ADAT3: variants seen among roughly 807,000 people sequenced by gnomAD.
ADAT3 encodes adenosine deaminase tRNA specific 3.
ADAT3 carries 2 observed loss-of-function variants against 3.5 expected under a neutral mutation model. The ratio of observed to expected loss-of-function variants is 0.57; its 90% CI spans 0.23 to 1.79. The LOEUF (loss-of-function observed/expected upper bound fraction) is 1.79, where lower values mean the gene tolerates loss of function less well. ADAT3 is among the 40% of genes most tolerant of loss of function. The probability of loss-of-function intolerance (pLI) is 0.18; values close to 1 mark genes in which losing one functional copy is unlikely to be tolerated. For missense variants in ADAT3, 735 were observed against 571.4 expected (o/e 1.29, Z -2.92); for synonymous variants, 358 against 270.3 (o/e 1.32, Z -3.18).
Position 1,912,733 on chromosome 19 carries a change from A to G in ADAT3, c.686A>G (p.Asp229Gly). The change falls in exon 2 of 2, where the codon GAC (aspartate) becomes GGC (glycine). Residue 229 changes from aspartate (D) to glycine (G), a missense_variant. Transcript: ENST00000329478. ...ASDRVLATGH[D>G]CSCADNPLLH... ...GACCGCGTGCTGGCCACCGGCCACG[A>G]CTGCAGCTGCGCGGACAACCCCCTC... 1 of 1,534,902 alleles carries G rather than the reference A, an allele frequency of 6.5e-7. No homozygotes were observed. The highest frequency in any genetic ancestry group is 1.9e-5 in the Admixed American group (1 of 51,608).
rs1270514475 is a variant in ADAT3 at position 1,912,554 on chromosome 19, C to T, written c.507C>T (p.Asp169=). The change falls in exon 2 of 2, where the codon GAC becomes GAT. Residue 169 remains aspartate (D), a synonymous_variant. Coordinates refer to ENST00000329478, the MANE Select transcript of ADAT3 (RefSeq NM_138422.4). ...RAHWPTSFHE[D]KQVTSALAGR... ...ACTGGCCCACGTCCTTCCACGAGGA[C>T]AAGCAGGTGACCAGCGCCCTGGCTG... 1.3e-6 allele frequency: 2 copies of T among 1,500,468 alleles called. No homozygotes were observed. Among genetic ancestry groups the T allele is most frequent in the Admixed American group, 2.1e-5 (1 of 46,714 alleles). 92.9% of individuals were successfully genotyped at this position (1,500,468 alleles called of 1,614,324 possible). A position where few individuals can be genotyped will look rare whatever the true frequency, so the allele number is the denominator to read the frequency against.
chr19:1,907,317 C>G (rs965278515), intron 1 of ADAT3: 6 of 151,810 alleles, frequency 4.0e-5, no homozygotes, highest in African/African-American at 1.2e-4. Flanking sequence ...CCGAGGAGCC[C>G]TCCTGGATTC....
At chr19:1,910,899 G>T (rs571555516) in intron 1 of ADAT3, among the ~76,000 whole-genome samples, 1 of 150,454 alleles carries the variant, frequency 6.6e-6, no homozygotes, top group Non-Finnish European at 1.5e-5. Flanking sequence ...TGACAGTCTC[G>T]CGCTGTTACC....
chr19:1,906,868 G>GTT (rs1478109091), intron 1 of ADAT3: 2 of 135,118 alleles, frequency 1.5e-5, no homozygotes, highest in Non-Finnish European at 3.2e-5. Context: ...AAAAAAAATT[G>GTT]TGTGTGTGTG....
chr19:1,912,745 C>T lies in ADAT3; in HGVS notation c.698C>T (p.Ala233Val). 1.9e-6 allele frequency: 3 copies of T among 1,544,700 alleles called. No homozygotes were observed. Among genetic ancestry groups the T allele is most frequent in the Non-Finnish European group, 1.7e-6 (2 of 1,153,156 alleles). The stretch of plus-strand genomic sequence containing the variant: ...GCCACCGGCCACGACTGCAGCTGCG[C>T]GGACAACCCCCTCCTGCACGCCGTC... Reference protein sequence around the residue: ...VLATGHDCSCADNPLLHAVMV... With the variant: ...VLATGHDCSCVDNPLLHAVMV... Residue 233 changes from alanine (A) to valine (V), a missense_variant, in exon 2 of 2, where the codon GCG (alanine) becomes GTG (valine). Transcript: ENST00000329478.
At chr19:1,910,734 GC>G (rs2013399096) in intron 1 of ADAT3, among the ~76,000 whole-genome samples, 1 of 151,242 alleles carries the variant, frequency 6.6e-6, no homozygotes, top group Admixed American at 6.6e-5. Context: ...GTGGCACCAT[GC>G]CCAGCTAATT....
In ADAT3 at chr19:1,912,482, C is replaced by T. The variant is rs536244000; in HGVS notation, c.435C>T (p.Pro145=). The change falls in exon 2 of 2, where the codon CCC becomes CCT. Residue 145 remains proline (P), a synonymous_variant. Transcript: ENST00000329478. Reference sequence around the variant, plus strand: ...GGCAACCCTTCCTGGTGCCCGTGCCCGCCCGGCCGCCTCTGACCAGGGGCC... The same window carrying T: ...GGCAACCCTTCCTGGTGCCCGTGCCTGCCCGGCCGCCTCTGACCAGGGGCC... The part of the protein sequence containing the change: ...GLGQPFLVPV[P]ARPPLTRGQF... The T allele has an allele frequency of 2.3e-5, 34 of 1,499,342 alleles. No individual in the cohort carries two copies. In the South Asian group the frequency reaches 3.0e-4, roughly 13 times the overall value. 92.9% of individuals were successfully genotyped at this position (1,499,342 alleles called of 1,614,324 possible).
chr19:1,912,643 C>T lies in ADAT3; in HGVS notation c.596C>T (p.Ala199Val), dbSNP rs908444236. ...MQSHMERAVW[A>V]ARRAAARGLR... ...AGCCACATGGAGCGGGCGGTGTGGG[C>T]GGCCCGGCGGGCAGCAGCGCGGGGC... Residue 199 changes from alanine (A) to valine (V), a missense_variant, in exon 2 of 2, where the codon GCG becomes GTG. Physicochemically the swap from Ala to Val is moderately conservative, Grantham distance 64 (BLOSUM62 0). Transcript: ENST00000329478. 566 of 1,423,948 alleles carry T rather than the reference C, an allele frequency of 4.0e-4. No individual in the cohort carries two copies. The highest frequency in any genetic ancestry group is 4.9e-4 in the Non-Finnish European group (541 of 1,098,346). 88.2% of individuals were successfully genotyped at this position (1,423,948 alleles called of 1,614,324 possible). A position where few individuals can be genotyped will look rare whatever the true frequency, so the allele number is the denominator to read the frequency against.
chr19:1,912,093 A>C lies in ADAT3; in HGVS notation c.46A>C (p.Arg16=), dbSNP rs2145435750. The change falls in exon 2 of 2, where the codon AGG becomes CGG. Residue 16 remains arginine, a synonymous_variant. Coordinates refer to ENST00000329478, the MANE Select transcript of ADAT3 (RefSeq NM_138422.4). Reference sequence around the variant, plus strand: ...CTGTCTCCCACAGTCGGCCTCGCTGAGGATGGAGCCCGCCCCGGGCCTCGT... The same window carrying C: ...CTGTCTCCCACAGTCGGCCTCGCTGCGGATGGAGCCCGCCCCGGGCCTCGT... ...RLCLPQSASL[R]MEPAPGLVEQ... is the part of the protein sequence containing the mutation. 2 of 1,481,946 alleles carry C rather than the reference A, an allele frequency of 1.3e-6. No homozygotes were observed. Among genetic ancestry groups the C allele is most frequent in the Non-Finnish European group, 1.8e-6 (2 of 1,121,722 alleles). The allele number at this position is 1,481,946 out of a possible 1,614,324, so 91.8% of individuals were successfully genotyped here.
Position 1,912,915 on chromosome 19 carries a change from G to A in ADAT3, c.868G>A (p.Gly290Ser). Residue 290 changes from glycine (G) to serine (S), a missense_variant, in exon 2 of 2, where the codon GGC becomes AGC. Coordinates refer to ENST00000329478, the MANE Select transcript of ADAT3 (RefSeq NM_138422.4). ...AVRKLDADED[G>S]LPYLCTGYDL... ...GCGTAAACTGGACGCAGACGAGGAC[G>A]GCCTCCCCTACCTGTGCACTGGCTA... 2 of 1,609,602 alleles carry A rather than the reference G, an allele frequency of 1.2e-6. No homozygotes were observed. Among genetic ancestry groups the A allele is most frequent in the Non-Finnish European group, 1.7e-6 (2 of 1,179,296 alleles).
In ADAT3 at chr19:1,912,548, C is replaced by A; in HGVS notation, c.501C>A (p.His167Gln). The A allele has an allele frequency of 6.7e-7, 1 of 1,500,586 alleles. No homozygotes were observed. The allele number at this position is 1,500,586 out of a possible 1,614,324, so 93.0% of individuals were successfully genotyped here. ...GGGCCCACTGGCCCACGTCCTTCCACGAGGACAAGCAGGTGACCAGCGCCC... is the reference window on the plus strand; with the variant it reads ...GGGCCCACTGGCCCACGTCCTTCCAAGAGGACAAGCAGGTGACCAGCGCCC... ...EARAHWPTSF[H>Q]EDKQVTSALA... The change falls in exon 2 of 2, where the codon CAC (histidine) becomes CAA (glutamine). Residue 167 changes from histidine to glutamine, a missense_variant. By Grantham distance (24) the His-to-Gln change is conservative (BLOSUM62 0). Coordinates refer to ENST00000329478, the MANE Select transcript of ADAT3 (RefSeq NM_138422.4).
At chr19:1,909,521 T>C (rs2013322852) in intron 1 of ADAT3, among the ~76,000 whole-genome samples, 1 of 151,938 alleles carries the variant, frequency 6.6e-6, no homozygotes, top group South Asian at 2.1e-4. Context: ...GCAGGGATGG[T>C]AACGGCTTTA....
At chr19:1,906,923 C>G (rs897359041) in intron 1 of ADAT3, 1 of 150,350 alleles carries the variant, frequency 6.7e-6, no homozygotes, top group East Asian at 2.0e-4. Context: ...CGCAGTGGCT[C>G]ACGCCTGTAA....
rs371998480 is a variant in ADAT3 at position 1,912,858 on chromosome 19, G to A, written c.811G>A (p.Ala271Thr). ...PFPACSFAPA[A>T]APQAVRAGAV... is the part of the protein sequence containing the mutation. ...CCCCGCCTGCTCCTTCGCCCCGGCC[G>A]CTGCCCCCCAGGCCGTCCGCGCAGG... The change falls in exon 2 of 2, where the codon GCT (alanine) becomes ACT (threonine). Residue 271 changes from alanine (A) to threonine (T), a missense_variant. Ala to Thr is a moderately conservative substitution (Grantham distance 58). Transcript: ENST00000329478. 39 of 1,597,844 alleles carry A rather than the reference G, an allele frequency of 2.4e-5. No homozygotes were observed. In the African/African-American group the frequency reaches 3.1e-4, roughly 13 times the overall value.
Position 1,911,957 on chromosome 19 carries a change from T to C in ADAT3, c.-91T>C, listed in dbSNP as rs1276366914. On this transcript the variant is annotated 5_prime_UTR_variant, in exon 2 of 2. Coordinates refer to ENST00000329478, the MANE Select transcript of ADAT3 (RefSeq NM_138422.4). ...CTGGGCCGGAGCCCTCGGACTAGCCTCAGCTTTGGTGGCAGCACGCCCTGC... is the reference window on the plus strand; with the variant it reads ...CTGGGCCGGAGCCCTCGGACTAGCCCCAGCTTTGGTGGCAGCACGCCCTGC... 2.1e-6 allele frequency: 3 copies of C among 1,399,710 alleles called. No individual in the cohort carries two copies. The South Asian group carries it at 4.7e-5, about 22-fold the overall frequency. 86.7% of individuals were successfully genotyped at this position (1,399,710 alleles called of 1,614,324 possible).
At chr19:1,909,669 C>T (rs924538738) in intron 1 of ADAT3, among the ~76,000 whole-genome samples, 3 of 152,340 alleles carry the variant, frequency 2.0e-5, no homozygotes, top group South Asian at 2.1e-4. Flanking sequence ...ACCCGAGAGC[C>T]GCCTTGGCAC....
Position 1,912,802 on chromosome 19 carries a change from A to G in ADAT3, c.755A>G (p.Gln252Arg). 6.3e-7 allele frequency: 1 copy of G among 1,575,142 alleles called. No individual in the cohort carries two copies. The highest frequency in any genetic ancestry group is 8.6e-7 in the Non-Finnish European group (1 of 1,168,978). The change falls in exon 2 of 2, where the codon CAG becomes CGG. Residue 252 changes from glutamine to arginine, a missense_variant. Coordinates refer to ENST00000329478, the MANE Select transcript of ADAT3 (RefSeq NM_138422.4). The part of the protein sequence containing the change: ...MVCVDLVARG[Q>R]GRGTYDFRPF... The stretch of plus-strand genomic sequence containing the variant: ...TGCGTGGACCTCGTGGCGCGCGGCC[A>G]GGGCCGCGGCACCTACGACTTCAGA...
rs2013279835 is a variant in ADAT3 at position 1,908,829 on chromosome 19, C to T, written c.-158-3061C>T. On this transcript the variant is annotated intron_variant, in intron 1 of 1. Coordinates refer to ENST00000329478, the MANE Select transcript of ADAT3 (RefSeq NM_138422.4). The surrounding 1 kb of genome is among the most constrained non-coding windows in gnomAD (Gnocchi z 4.2). ...ATACTTTTAAGCAATGTGGGCTGGG[C>T]ACGGTGGCTCACACCTGTAATCCCA... 6.6e-6 allele frequency among the ~76,000 whole-genome samples: 1 copy of T among 152,124 alleles called. No individual in the cohort carries two copies. The highest frequency in any genetic ancestry group is 6.6e-5 in the Admixed American group (1 of 15,252).
Position 1,912,636 on chromosome 19 carries a change from G to A in ADAT3, c.589G>A (p.Val197Met). 6.9e-7 allele frequency: 1 copy of A among 1,439,102 alleles called. No homozygotes were observed. The highest frequency in any genetic ancestry group is 9.0e-7 in the Non-Finnish European group (1 of 1,105,112). 89.1% of individuals were successfully genotyped at this position (1,439,102 alleles called of 1,614,324 possible). A position where few individuals can be genotyped will look rare whatever the true frequency, so the allele number is the denominator to read the frequency against. The stretch of plus-strand genomic sequence containing the variant: ...CATGCAGAGCCACATGGAGCGGGCG[G>A]TGTGGGCGGCCCGGCGGGCAGCAGC... Reference protein sequence around the residue: ...AAMQSHMERAVWAARRAAARG... With the variant: ...AAMQSHMERAMWAARRAAARG... Residue 197 changes from valine to methionine, a missense_variant, in exon 2 of 2, where the codon GTG (valine) becomes ATG (methionine). Val to Met is a conservative substitution (Grantham distance 21, BLOSUM62 1). Coordinates refer to ENST00000329478, the MANE Select transcript of ADAT3 (RefSeq NM_138422.4).
Sources: gnomAD v4.1 joint callset for allele counts (sites outside exome capture counted in the v4.1 genomes callset) on GRCh38, gnomAD v4.1.1 for gene constraint, Gnocchi (gnomAD v3.1) non-coding constraint, MANE v1.5 for transcripts, NCBI Gene and HGNC (gene_info 2026-07-23, HGNC 2026-07-21) for gene names.